Variants in GALNT13 observed in about 807,000 individuals in gnomAD.
The protein encoded by GALNT13 is polypeptide N-acetylgalactosaminyltransferase 13.
In GALNT13, 28 loss-of-function variants were observed where a neutral mutation model predicts 64.2. The ratio of observed to expected loss-of-function variants is 0.44; its 90% CI spans 0.32 to 0.60. The LOEUF (loss-of-function observed/expected upper bound fraction) is 0.60, where lower values mean the gene tolerates loss of function less well. Ranked by LOEUF, GALNT13 falls within the 20% of genes least tolerant of loss-of-function variation. GALNT13 has a pLI of 0.05. For synonymous variants in GALNT13, 214 were observed against 224.6 expected (o/e 0.95, Z 0.42); for missense variants, 577 against 669.8 (o/e 0.86, Z 1.53).
intron 3 of GALNT13, among the ~76,000 whole-genome samples, chr2:153,956,243 A>G (rs1199819835): frequency 6.6e-6 from 1 of 152,204 alleles, no homozygotes; most frequent in Non-Finnish European, 1.5e-5. Context: ...AACTCAAAGG[A>G]GCTGACAAAA....
chr2:153,746,207 C>T, the GALNT13 span, among the ~76,000 whole-genome samples: 7 of 152,222 alleles, frequency 4.6e-5, no homozygotes, highest in South Asian at 1.2e-3. Flanking sequence ...CCTGAACACA[C>T]CTACATAGCC....
the GALNT13 span, among the ~76,000 whole-genome samples, chr2:153,302,672 G>A: frequency 6.6e-6 from 1 of 152,074 alleles, no homozygotes; most frequent in East Asian, 1.9e-4. Flanking sequence ...TCTTCTAGTA[G>A]TTTTACAACT....
At chr2:153,352,021 T>A in the GALNT13 span, among the ~76,000 whole-genome samples, 2 of 152,208 alleles carry the variant, frequency 1.3e-5, no homozygotes, top group African/African-American at 4.8e-5. Context: ...TTTAGTTTTG[T>A]AAGAAGCTGC....
At chr2:153,167,199 T>C in the GALNT13 span, among the ~76,000 whole-genome samples, 2 of 152,236 alleles carry the variant, frequency 1.3e-5, no homozygotes. Flanking sequence ...TTGGAGCAAA[T>C]GATACTTCCA....
the GALNT13 span, among the ~76,000 whole-genome samples, chr2:153,707,872 C>T: frequency 6.6e-6 from 1 of 152,066 alleles, no homozygotes; most frequent in African/African-American, 2.4e-5. Flanking sequence ...AGTGTAGTTC[C>T]AGAAGGCTTC....
intron 8 of GALNT13, 66 bp from the exon 9 acceptor site, chr2:154,301,343 A>G: frequency 1.5e-6 from 2 of 1,325,610 alleles, no homozygotes; most frequent in Non-Finnish European, 1.1e-6. Context: ...GATTTGGCCT[A>G]AGCTTCAGTT....
the GALNT13 span, among the ~76,000 whole-genome samples, chr2:153,346,221 C>T: frequency 6.6e-6 from 1 of 152,166 alleles, no homozygotes; most frequent in South Asian, 2.1e-4. Flanking sequence ...TAATGCCCAG[C>T]CTCCTACAAA....
the GALNT13 span, among the ~76,000 whole-genome samples, chr2:153,367,409 A>G: frequency 2.0e-5 from 3 of 152,120 alleles, no homozygotes; most frequent in Non-Finnish European, 4.4e-5. Context: ...CAAGGTGTCC[A>G]TGTCCTAATC....
chr2:153,965,805 A>C (rs1404653748), intron 3 of GALNT13, among the ~76,000 whole-genome samples: 1 of 151,352 alleles, frequency 6.6e-6, no homozygotes. Flanking sequence ...ATAAGCAAAA[A>C]AAAAACCCAA....
intron 1 of GALNT13, among the ~76,000 whole-genome samples, chr2:153,895,899 C>G (rs533820658): frequency 6.7e-6 from 1 of 150,336 alleles, no homozygotes; most frequent in Non-Finnish European, 1.5e-5. Flanking sequence ...CATGCCATAG[C>G]AACAGGATAT....
At chr2:153,491,272 A>G in the GALNT13 span, among the ~76,000 whole-genome samples, 5 of 152,088 alleles carry the variant, frequency 3.3e-5, no homozygotes, top group Non-Finnish European at 4.4e-5. Flanking sequence ...TACAATAAAT[A>G]TAAGAAAAAA....
chr2:153,113,039 A>G, the GALNT13 span, among the ~76,000 whole-genome samples: 1 of 152,142 alleles, frequency 6.6e-6, no homozygotes, highest in Non-Finnish European at 1.5e-5. Context: ...GTAGAAAGGA[A>G]GAGAGATGTT....
chr2:154,218,477 G>T (rs1166719933), intron 4 of GALNT13, among the ~76,000 whole-genome samples: 3 of 151,994 alleles, frequency 2.0e-5, no homozygotes, highest in African/African-American at 7.2e-5. Flanking sequence ...TTTCTTAAGA[G>T]CCATTGTCTT....
chr2:153,315,305 CT>C, the GALNT13 span, among the ~76,000 whole-genome samples: 1 of 152,142 alleles, frequency 6.6e-6, no homozygotes, highest in East Asian at 1.9e-4. Flanking sequence ...CAAGGACCCA[CT>C]TTCTGGTTCA....
chr2:154,412,085 G>A (rs1156885972), intron 11 of GALNT13, among the ~76,000 whole-genome samples: 1 of 151,666 alleles, frequency 6.6e-6, no homozygotes, highest in South Asian at 2.1e-4. Context: ...GTTAAAAAAT[G>A]TTCGTTCAGT....
chr2:153,725,770 A>G, the GALNT13 span, among the ~76,000 whole-genome samples: 1 of 152,142 alleles, frequency 6.6e-6, no homozygotes, highest in Admixed American at 6.5e-5. Flanking sequence ...TGGCATTCCT[A>G]ATGTGCAGCA....
chr2:154,245,104 AAAATAAAT>A (rs61010587), intron 6 of GALNT13, among the ~76,000 whole-genome samples: 20,225 of 137,738 alleles, frequency 0.15, 1,725 homozygotes, highest in East Asian at 0.34. Context: ...AGGCTCTGTC[AAAATAAAT>A]AAATAAATAA....
intron 3 of GALNT13, among the ~76,000 whole-genome samples, chr2:154,127,819 C>T (rs1442390562): frequency 1.3e-5 from 2 of 150,786 alleles, no homozygotes; most frequent in African/African-American, 2.4e-5. Flanking sequence ...TTTCTGCATA[C>T]ATATGCAGAA....
intron 4 of GALNT13, among the ~76,000 whole-genome samples, chr2:154,172,033 T>G (rs929193378): frequency 6.6e-6 from 1 of 151,600 alleles, no homozygotes; most frequent in African/African-American, 2.4e-5. Context: ...AAATTTTACT[T>G]GACCTTAAGT....
Sources: gnomAD v4.1 joint callset for allele counts (sites outside exome capture counted in the v4.1 genomes callset) on GRCh38, gnomAD v4.1.1 for gene constraint, MANE v1.5 for transcripts, NCBI Gene and HGNC (gene_info 2026-07-23, HGNC 2026-07-21) for gene names.